Variants in WDFY2 observed in about 807,000 individuals in gnomAD.
The protein encoded by WDFY2 is WD repeat and FYVE domain containing 2, also known as WD repeat and FYVE domain-containing protein 2.
Under a neutral mutation model 56.4 loss-of-function variants are expected in WDFY2, and 36 were observed. The ratio of observed to expected loss-of-function variants is 0.64; its 90% CI spans 0.49 to 0.84. The LOEUF (loss-of-function observed/expected upper bound fraction) is 0.84. Among genes scored for constraint, WDFY2 ranks in the 40% least tolerant of loss-of-function variants. WDFY2 has a pLI of 0.00. For synonymous variants in WDFY2, 176 were observed against 183.7 expected (o/e 0.96, Z 0.34); for missense variants, 444 against 512.2 (o/e 0.87, Z 1.29).
At chr13:51,742,609 TAC>T (rs1171483343) in intron 7 of WDFY2, among the ~76,000 whole-genome samples, 5 of 152,216 alleles carry the variant, frequency 3.3e-5, no homozygotes, top group Non-Finnish European at 7.3e-5. Context: ...TCTTACATAA[TAC>T]TGTCATTTCT....
At chr13:51,628,721 A>G (rs966442908) in intron 1 of WDFY2, among the ~76,000 whole-genome samples, 1 of 152,246 alleles carries the variant, frequency 6.6e-6, no homozygotes, top group Non-Finnish European at 1.5e-5. Context: ...TGCATCACAG[A>G]TGCCAGTTAG....
At chr13:51,675,368 C>A (rs565399926) in intron 3 of WDFY2, 125 bp downstream of exon 3, 4 of 815,180 alleles carry the variant, frequency 4.9e-6, no homozygotes, top group Non-Finnish European at 7.7e-6. Context: ...AAAATTGCAG[C>A]GTAGCAAATT....
rs143223717 is a variant in WDFY2 at position 51,750,484 on chromosome 13, T to C, written c.726-826T>C. Among the ~76,000 whole-genome samples the C allele has an allele frequency of 2.0e-5, 3 of 147,664 alleles. No individual in the cohort carries two copies. The East Asian group carries it at 6.0e-4, about 29-fold the overall frequency. ...CCAGATATCAAAGAGCTGTTCTCCTTCCCAGTAGAAACAAAATTCTTCATT... is the reference window on the plus strand; with the variant it reads ...CCAGATATCAAAGAGCTGTTCTCCTCCCCAGTAGAAACAAAATTCTTCATT... On this transcript the variant is annotated intron_variant, in intron 7 of 11. Transcript: ENST00000298125.
chr13:51,685,816 C>G (rs78799540), intron 3 of WDFY2, among the ~76,000 whole-genome samples: 7,731 of 152,142 alleles, frequency 0.051, 242 homozygotes, highest in Middle Eastern at 0.082. Context: ...CTCCATTAGC[C>G]GGAGCAACTT....
chr13:51,664,614 A>G (rs1005237516), intron 2 of WDFY2, among the ~76,000 whole-genome samples: 5 of 151,612 alleles, frequency 3.3e-5, no homozygotes, highest in African/African-American at 1.2e-4. Flanking sequence ...AAAAGATACC[A>G]CTCTCTCTTA....
At position 51,753,026 on chromosome 13, in the gene WDFY2, G is replaced by T. The variant is rs1406206823; in HGVS notation, c.831+1611G>T. ...CAGAATTCTATTAAATGGTGTAAATGATGAAATTATAGTTGATATATGCTA... is the reference window on the plus strand; with the variant it reads ...CAGAATTCTATTAAATGGTGTAAATTATGAAATTATAGTTGATATATGCTA... On this transcript the variant is annotated intron_variant, in intron 8 of 11. Transcript: ENST00000298125. The T allele has an allele frequency of 4.6e-5, 7 of 152,238 alleles. No homozygotes were observed. In the East Asian group the frequency reaches 1.2e-3, roughly 25 times the overall value. 9.4% of individuals were successfully genotyped at this position (152,238 alleles called of 1,614,324 possible).
intron 10 of WDFY2, among the ~76,000 whole-genome samples, chr13:51,757,124 A>G (rs1166421293): frequency 6.6e-6 from 1 of 152,218 alleles, no homozygotes; most frequent in Non-Finnish European, 1.5e-5. Flanking sequence ...TGTCTTCTCA[A>G]TCCTTCCAGC....
At chr13:51,739,819 C>A (rs778160694) in intron 7 of WDFY2, among the ~76,000 whole-genome samples, 1 of 152,216 alleles carries the variant, frequency 6.6e-6, no homozygotes, top group African/African-American at 2.4e-5. Context: ...CGGTGTGGAT[C>A]TGTGCTTTGA....
At position 51,584,568 on chromosome 13, in the gene WDFY2, G is replaced by C; in HGVS notation, c.-120G>C. The C allele has an allele frequency of 7.4e-7, 1 of 1,358,492 alleles. No individual in the cohort carries two copies. The highest frequency in any genetic ancestry group is 9.7e-7 in the Non-Finnish European group (1 of 1,033,004). The allele number at this position is 1,358,492 out of a possible 1,614,324, so 84.2% of individuals were successfully genotyped here. On this transcript the variant is annotated 5_prime_UTR_variant, in exon 1 of 12. Transcript: ENST00000298125. ...GGCCAGGCTATGCTCGCCGGTTTCC[G>C]GCGTTCCGCTCCGGCCAGCCAGAGT... is the stretch of plus-strand genomic sequence containing the variant.
chr13:51,685,810 A>G (rs1205852786), intron 3 of WDFY2, among the ~76,000 whole-genome samples: 2 of 152,188 alleles, frequency 1.3e-5, no homozygotes, highest in Non-Finnish European at 2.9e-5. Context: ...CTTTATCTCC[A>G]TTAGCCGGAG....
intron 5 of WDFY2, among the ~76,000 whole-genome samples, chr13:51,720,890 C>G (rs561421028): frequency 6.6e-6 from 1 of 152,070 alleles, no homozygotes; most frequent in East Asian, 1.9e-4. Context: ...CAACATCACA[C>G]TGGGAATTAG....
At chr13:51,637,463 A>G (rs1218883192) in intron 1 of WDFY2, among the ~76,000 whole-genome samples, 1 of 150,852 alleles carries the variant, frequency 6.6e-6, no homozygotes, top group Non-Finnish European at 1.5e-5. Context: ...CTACCCTTTT[A>G]GTTGTTTTTG....
At chr13:51,612,576 G>A (rs1452058475) in intron 1 of WDFY2, among the ~76,000 whole-genome samples, 1 of 152,158 alleles carries the variant, frequency 6.6e-6, no homozygotes, top group Non-Finnish European at 1.5e-5. Flanking sequence ...GCCAAAAAGT[G>A]TATTAAACTC....
At chr13:51,737,387 T>C (rs1396940165) in intron 6 of WDFY2, among the ~76,000 whole-genome samples, 1 of 151,914 alleles carries the variant, frequency 6.6e-6, no homozygotes, top group Non-Finnish European at 1.5e-5. Flanking sequence ...TTCTTTCATA[T>C]TCTTACTCCT....
intron 2 of WDFY2, among the ~76,000 whole-genome samples, chr13:51,669,917 A>G (rs1021216413): frequency 9.2e-5 from 14 of 152,180 alleles, no homozygotes; most frequent in African/African-American, 3.4e-4. Context: ...TATTTCATCT[A>G]GAGTTCAGGA....
intron 2 of WDFY2, among the ~76,000 whole-genome samples, chr13:51,672,640 A>T (rs1001394125): frequency 4.6e-5 from 7 of 152,158 alleles, no homozygotes; most frequent in Non-Finnish European, 1.0e-4. Flanking sequence ...TTTTGGCGGT[A>T]TGTTCATTTT....
At chr13:51,654,109 G>A (rs527592632) in intron 1 of WDFY2, among the ~76,000 whole-genome samples, 18 of 152,250 alleles carry the variant, frequency 1.2e-4, no homozygotes, top group African/African-American at 4.1e-4. Flanking sequence ...AATGCCAGGC[G>A]CCCCTCCCCC....
Position 51,745,829 on chromosome 13 carries a change from A to G in WDFY2, c.726-5481A>G, listed in dbSNP as rs73494139. On this transcript the variant is annotated intron_variant, in intron 7 of 11. Transcript: ENST00000298125. ...TTGGTACAGTAAAGAGTGTTAATTAACCATATAGGCCACTCGGATTTGTTT... is the reference window on the plus strand; with the variant it reads ...TTGGTACAGTAAAGAGTGTTAATTAGCCATATAGGCCACTCGGATTTGTTT... Among the ~76,000 whole-genome samples the G allele has an allele frequency of 7.4e-3, 1,114 of 150,832 alleles. 20 individuals carry two copies. The highest frequency in any genetic ancestry group is 0.026 in the African/African-American group (1,062 of 41,124).
At chr13:51,690,482 A>G (rs1399109315) in intron 3 of WDFY2, among the ~76,000 whole-genome samples, 19 of 151,788 alleles carry the variant, frequency 1.3e-4, no homozygotes, top group Non-Finnish European at 2.5e-4. Flanking sequence ...TACTGAGAAT[A>G]ATGATTTCCA....
Sources: gnomAD v4.1 joint callset for allele counts (sites outside exome capture counted in the v4.1 genomes callset) on GRCh38, gnomAD v4.1.1 for gene constraint, MANE v1.5 for transcripts, NCBI Gene and HGNC (gene_info 2026-07-23, HGNC 2026-07-21) for gene names.